Variants in MAGI2 observed in about 807,000 individuals in gnomAD.
The protein encoded by MAGI2 is membrane-associated guanylate kinase, WW and PDZ domain-containing protein 2.
MAGI2 carries 35 observed loss-of-function variants against 133.3 expected under a neutral mutation model. The observed-to-expected ratio is 0.26, with a 90% CI of 0.20 to 0.35. The LOEUF (loss-of-function observed/expected upper bound fraction) is 0.35, where lower values mean the gene tolerates loss of function less well. MAGI2 is among the 10% of genes least tolerant of loss of function. MAGI2 has a pLI of 1.00. For missense variants in MAGI2, 1,636 were observed against 1,863.4 expected (o/e 0.88, Z 2.25); for synonymous variants, 729 against 710.6 (o/e 1.03, Z -0.41).
chr7:78,123,445 TA>T (rs1820662670), intron 20 of MAGI2, among the ~76,000 whole-genome samples: 1 of 152,022 alleles, frequency 6.6e-6, no homozygotes. Flanking sequence ...TCAAAAACAA[TA>T]AAAAAAGAAC....
chr7:78,712,379 G>C (rs1334013427), intron 2 of MAGI2, among the ~76,000 whole-genome samples: 21 of 152,172 alleles, frequency 1.4e-4, no homozygotes, highest in Admixed American at 1.4e-3. Flanking sequence ...TCTTATACAT[G>C]ATGAGAGCTA....
chr7:78,704,310 T>TG (rs1818380976), intron 2 of MAGI2, among the ~76,000 whole-genome samples: 1 of 151,952 alleles, frequency 6.6e-6, no homozygotes, highest in Admixed American at 6.6e-5. Context: ...AAGAAGCATA[T>TG]GAAAAAATGC....
At chr7:78,879,886 G>A (rs570696628) in intron 2 of MAGI2, among the ~76,000 whole-genome samples, 13 of 152,038 alleles carry the variant, frequency 8.6e-5, no homozygotes, top group South Asian at 2.1e-4. Flanking sequence ...ATCAATCAGC[G>A]CTTCTGGAAT....
chr7:79,028,583 G>A (rs1353298494), intron 1 of MAGI2, among the ~76,000 whole-genome samples: 2 of 151,448 alleles, frequency 1.3e-5, no homozygotes, highest in African/African-American at 4.9e-5. Context: ...GAGAATCAGG[G>A]GCTAGCACAA....
chr7:78,222,849 T>C (rs2150844465), intron 10 of MAGI2, among the ~76,000 whole-genome samples: 1 of 152,324 alleles, frequency 6.6e-6, no homozygotes, highest in East Asian at 1.9e-4. Context: ...AACATGGATA[T>C]TTCTCAAGCC....
intron 3 of MAGI2, among the ~76,000 whole-genome samples, chr7:78,564,849 AGTG>A (rs143053696): frequency 1.7e-5 from 2 of 117,782 alleles, no homozygotes; most frequent in Non-Finnish European, 3.2e-5. Context: ...GCTGGAGTGC[AGTG>A]GCAGGATCTC....
chr7:78,394,929 T>C (rs557825151), intron 6 of MAGI2, among the ~76,000 whole-genome samples: 1 of 152,292 alleles, frequency 6.6e-6, no homozygotes, highest in South Asian at 2.1e-4. Context: ...TAACAAGGAG[T>C]TCTTTTTTCA....
At chr7:78,937,401 T>C (rs933437747) in intron 2 of MAGI2, among the ~76,000 whole-genome samples, 10 of 151,718 alleles carry the variant, frequency 6.6e-5, no homozygotes, top group Non-Finnish European at 1.3e-4. Context: ...AAAATCACCA[T>C]TAGGCAAATT....
chr7:79,232,261 G>A (rs1487831431), intron 1 of MAGI2, among the ~76,000 whole-genome samples: 2 of 150,016 alleles, frequency 1.3e-5, no homozygotes, highest in Non-Finnish European at 3.0e-5. Flanking sequence ...TCTCTTTTTT[G>A]GTTGTGTCTC....
At chr7:78,630,316 C>G (rs980029881) in intron 2 of MAGI2, among the ~76,000 whole-genome samples, 1 of 151,628 alleles carries the variant, frequency 6.6e-6, no homozygotes. Context: ...TCTAACGGAA[C>G]AATCTTGTGT....
intron 2 of MAGI2, among the ~76,000 whole-genome samples, chr7:78,793,177 T>C (rs2151374059): frequency 6.6e-6 from 1 of 152,284 alleles, no homozygotes; most frequent in Middle Eastern, 3.4e-3. Context: ...AGCTCTATCA[T>C]CCTGAATCCC....
intron 1 of MAGI2, among the ~76,000 whole-genome samples, chr7:79,037,482 T>G (rs1371416848): frequency 6.6e-6 from 1 of 152,122 alleles, no homozygotes; most frequent in Non-Finnish European, 1.5e-5. Flanking sequence ...TGCTGTGGGC[T>G]TCATGTGCCA....
chr7:78,721,263 A>G (rs901603226), intron 2 of MAGI2, among the ~76,000 whole-genome samples: 1 of 152,042 alleles, frequency 6.6e-6, no homozygotes, highest in South Asian at 2.1e-4. Context: ...GATGTATAAA[A>G]TCACTGTATA....
chr7:78,265,685 C>G (rs183955954), intron 9 of MAGI2, among the ~76,000 whole-genome samples: 3 of 152,292 alleles, frequency 2.0e-5, no homozygotes, highest in Non-Finnish European at 2.9e-5. Context: ...ACCCCCACTC[C>G]AAAAACCAAA....
At chr7:78,696,510 A>T (rs917767589) in intron 2 of MAGI2, among the ~76,000 whole-genome samples, 1 of 152,128 alleles carries the variant, frequency 6.6e-6, no homozygotes, top group African/African-American at 2.4e-5. Flanking sequence ...ATGTGCCACA[A>T]TTGCTTTTTT....
intron 1 of MAGI2, among the ~76,000 whole-genome samples, chr7:79,171,770 A>ATATATATATATTTTTTTTTTTTTTT: frequency 6.4e-5 from 2 of 31,222 alleles, no homozygotes; most frequent in East Asian, 6.5e-4. Flanking sequence ...ATATATATAT[A>ATATATATATATTTTTTTTTTTTTTT]TTTTTTTTTT....
At chr7:78,658,922 T>G (rs1342857417) in intron 2 of MAGI2, among the ~76,000 whole-genome samples, 1 of 152,060 alleles carries the variant, frequency 6.6e-6, no homozygotes, top group Non-Finnish European at 1.5e-5. Context: ...ACAAACAAAG[T>G]TAAACATACA....
intron 2 of MAGI2, among the ~76,000 whole-genome samples, chr7:78,831,572 A>C (rs1193279178): frequency 1.3e-5 from 2 of 152,122 alleles, no homozygotes; most frequent in African/African-American, 2.4e-5. Context: ...TGTTTATTAG[A>C]GGTTTAATTC....
At chr7:78,114,021 G>C (rs1432367678) in intron 20 of MAGI2, among the ~76,000 whole-genome samples, 2 of 152,162 alleles carry the variant, frequency 1.3e-5, no homozygotes, top group East Asian at 1.9e-4. Flanking sequence ...CAAAGCTATA[G>C]AGCAGCTGTG....
Sources: allele counts gnomAD v4.1 joint callset (sites outside exome capture counted in the v4.1 genomes callset), GRCh38; gene constraint gnomAD v4.1.1; transcripts MANE v1.5; gene names NCBI Gene and HGNC (gene_info 2026-07-23, HGNC 2026-07-21).